MAP3K15: variants seen among roughly 807,000 people sequenced by gnomAD.
The protein encoded by MAP3K15 is mitogen-activated protein kinase kinase kinase 15.
MAP3K15 carries 124 observed loss-of-function variants against 99.5 expected under a neutral mutation model. The observed-to-expected ratio is 1.25, with a 90% CI of 1.08 to 1.45. The LOEUF is 1.45. Ranked by LOEUF, MAP3K15 falls within the 40% of genes most tolerant of loss-of-function variation. The pLI is 0.00. For missense variants in MAP3K15, 1,242 were observed against 1,079.7 expected (o/e 1.15, Z -2.11); for synonymous variants, 494 against 439.6 (o/e 1.12, Z -1.55).
Position 19,407,302 on chromosome X carries a change from T to C in MAP3K15, c.1749-19A>G. 1.0e-6 allele frequency: 1 copy of C among 994,093 alleles called. No individual in the cohort carries two copies. The highest frequency in any genetic ancestry group is 1.4e-6 in the Non-Finnish European group (1 of 715,948). 81.9% of individuals were successfully genotyped at this position (994,093 alleles called of 1,213,427 possible). ...TGATAGGCTGTAAAATTTCAAAGCA[T>C]AATGTTTATACATAAGTTATGATAC... is the stretch of plus-strand genomic sequence containing the variant. On this transcript the variant is annotated intron_variant, in intron 12 of 28. Coordinates refer to ENST00000338883, the MANE Select transcript of MAP3K15 (RefSeq NM_001001671.4).
intron 20 of MAP3K15, among the ~76,000 whole-genome samples, chrX:19,373,930 G>T (rs1258057580): frequency 9.0e-6 from 1 of 111,401 alleles, no homozygotes; most frequent in African/African-American, 3.3e-5. Flanking sequence ...TTCTGACCCC[G>T]ATCGGTACCA....
intron 18 of MAP3K15, among the ~76,000 whole-genome samples, chrX:19,383,994 C>A (rs2063477294): frequency 9.0e-6 from 1 of 111,583 alleles, no homozygotes; most frequent in Admixed American, 9.5e-5. Flanking sequence ...GGTATATACC[C>A]AAAAGAAAGG....
chrX:19,510,383 G>A (rs2064509519), intron 1 of MAP3K15, among the ~76,000 whole-genome samples: 1 of 111,977 alleles, frequency 8.9e-6, no homozygotes, highest in Non-Finnish European at 1.9e-5. Context: ...ATGCAAGGCT[G>A]GTTCAACATA....
At chrX:19,486,797 C>T (rs779874686) in intron 2 of MAP3K15, among the ~76,000 whole-genome samples, 2 of 111,398 alleles carry the variant, frequency 1.8e-5, no homozygotes, top group Non-Finnish European at 3.8e-5. Context: ...AGGGCCAATG[C>T]TTTTGCCCAA....
intron 3 of MAP3K15, among the ~76,000 whole-genome samples, chrX:19,466,393 G>C (rs1423999623): frequency 1.8e-5 from 2 of 111,274 alleles, no homozygotes; most frequent in East Asian, 5.6e-4. Context: ...CATCAGGGGC[G>C]GTTTCTCCCA....
At chrX:19,474,151 G>A (rs1602337229) in intron 3 of MAP3K15, among the ~76,000 whole-genome samples, 1 of 112,138 alleles carries the variant, frequency 8.9e-6, no homozygotes, top group East Asian at 2.8e-4. Context: ...CCCACCCACA[G>A]TGTATAAGGG....
chrX:19,364,226 G>A (rs965555798), intron 25 of MAP3K15, among the ~76,000 whole-genome samples: 40 of 111,984 alleles, frequency 3.6e-4, no homozygotes, highest in African/African-American at 1.2e-3. Context: ...CCAAGGGACC[G>A]CCTCCTGAAA....
chrX:19,495,569 G>A lies in MAP3K15; in HGVS notation c.362-6602C>T, dbSNP rs751280592. Among the ~76,000 whole-genome samples, 3 of 110,575 alleles carry A rather than the reference G, an allele frequency of 2.7e-5. No homozygotes were observed. In the South Asian group the frequency reaches 1.2e-3, roughly 43 times the overall value. ...AATCTTTTGTTTTTTTTTCAACTAT[G>A]TAAGTGTGATTGAGATGTGTCTACT... On this transcript the variant is annotated intron_variant, in intron 1 of 28. Transcript: ENST00000338883.
At chrX:19,403,460 C>CTTTTTTT (rs144389481) in intron 13 of MAP3K15, among the ~76,000 whole-genome samples, 9 of 86,980 alleles carry the variant, frequency 1.0e-4, no homozygotes, top group African/African-American at 3.7e-4. Context: ...TTATTCTATT[C>CTTTTTTT]TTTTTTTTTT....
intron 6 of MAP3K15, among the ~76,000 whole-genome samples, chrX:19,432,615 G>C (rs1018945442): frequency 2.7e-5 from 3 of 109,240 alleles, no homozygotes; most frequent in Non-Finnish European, 5.7e-5. Flanking sequence ...TTTGAGCACT[G>C]ACAGAAAAAC....
At position 19,424,992 on chromosome X, in the gene MAP3K15, G is replaced by T. The variant is rs114398882; in HGVS notation, c.1439+539C>A. Among the ~76,000 whole-genome samples the T allele has an allele frequency of 3.5e-3, 388 of 110,191 alleles. 2 individuals are homozygous for T. The highest frequency in any genetic ancestry group is 0.012 in the African/African-American group (354 of 30,341). ...TTGATTCTGACACACAACAGAATTT[G>T]AGAACCACTGATACAGAAAAACTTA... On this transcript the variant is annotated intron_variant, in intron 9 of 28. Transcript: ENST00000338883.
At chrX:19,425,964 C>G (rs1415804104) in intron 8 of MAP3K15, among the ~76,000 whole-genome samples, 1 of 109,757 alleles carries the variant, frequency 9.1e-6, no homozygotes, top group Non-Finnish European at 1.9e-5. Context: ...ACTAAAAATA[C>G]AAAAAAAATT....
intron 16 of MAP3K15, among the ~76,000 whole-genome samples, chrX:19,394,389 C>T (rs2063550217): frequency 9.0e-6 from 1 of 110,864 alleles, no homozygotes; most frequent in African/African-American, 3.3e-5. Flanking sequence ...AAACTGAGGG[C>T]ACAGAGAGGT....
intron 1 of MAP3K15, among the ~76,000 whole-genome samples, chrX:19,490,688 G>A (rs919839507): frequency 9.2e-6 from 1 of 109,090 alleles, no homozygotes; most frequent in African/African-American, 3.3e-5. Flanking sequence ...GGTCGAGGTT[G>A]CAGTGAGCTG....
rs756437596 is a variant in MAP3K15, at chrX:19,381,534, G to A, written c.2432-1257C>T. On this transcript the variant is annotated intron_variant, in intron 18 of 28. Coordinates refer to ENST00000338883, the MANE Select transcript of MAP3K15 (RefSeq NM_001001671.4). ...TGTCAGGGAAGCAGGGTCCTGCTGC[G>A]AAGGCTGGAGGGCTGGACAAAGGGG... 2.3e-3 allele frequency among the ~76,000 whole-genome samples: 262 copies of A among 112,275 alleles called. 1 individual carries two copies. Among genetic ancestry groups the A allele is most frequent in the Non-Finnish European group, 3.6e-3 (189 of 53,218 alleles).
chrX:19,458,039 T>C (rs2064106519), intron 5 of MAP3K15, among the ~76,000 whole-genome samples: 1 of 112,311 alleles, frequency 8.9e-6, no homozygotes, highest in African/African-American at 3.2e-5. Flanking sequence ...CTCTTAGCAG[T>C]GCCGCCTGTT....
intron 1 of MAP3K15, among the ~76,000 whole-genome samples, chrX:19,506,665 GGT>G (rs1054431526): frequency 9.0e-6 from 1 of 110,760 alleles, no homozygotes; most frequent in African/African-American, 3.3e-5. Context: ...TGGGATTACA[GGT>G]GTGTGCCATC....
chrX:19,426,959 C>T (rs2063837645), intron 7 of MAP3K15, among the ~76,000 whole-genome samples: 1 of 107,211 alleles, frequency 9.3e-6, no homozygotes, highest in Non-Finnish European at 1.9e-5. Flanking sequence ...TCATGAAGTA[C>T]ACAAAAGAAA....
chrX:19,465,458 A>G (rs2064159980), intron 3 of MAP3K15, among the ~76,000 whole-genome samples: 2 of 110,475 alleles, frequency 1.8e-5, no homozygotes, highest in South Asian at 7.8e-4. Flanking sequence ...TCAAAACACA[A>G]ATACTGGCCA....
Sources: gnomAD v4.1 joint callset for allele counts (sites outside exome capture counted in the v4.1 genomes callset) on GRCh38, gnomAD v4.1.1 for gene constraint, MANE v1.5 for transcripts, NCBI Gene and HGNC (gene_info 2026-07-23, HGNC 2026-07-21) for gene names.